The following CD300A variants were observed in gnomAD, a reference collection of about 807,000 sequenced individuals.
CD300A encodes the protein CD300a molecule.
A neutral mutation model predicts 33.6 loss-of-function variants in CD300A; 22 were observed. The ratio of observed to expected loss-of-function variants is 0.66; its 90% CI spans 0.47 to 0.94. CD300A has a LOEUF of 0.94. Ranked by LOEUF, CD300A falls within the 40% of genes least tolerant of loss-of-function variation. The pLI, the probability that CD300A is intolerant of heterozygous loss-of-function variation, is 0.00. For synonymous variants in CD300A, 136 were observed against 148.1 expected, an observed-to-expected ratio of 0.92 and a Z score of 0.59; for missense variants, 326 against 360.5, an observed-to-expected ratio of 0.90 and a Z score of 0.77.
At chr17:74,481,397 C>A in intron 5 of CD300A, 71 bp downstream of exon 5, 1 of 1,430,226 alleles carries the variant, frequency 7.0e-7, no homozygotes, top group Non-Finnish European at 9.8e-7. Flanking sequence ...GGGAGTTGGA[C>A]AGTCCCATCG....
rs537595088 is a variant in CD300A at position 74,468,196 on chromosome 17, G to A, written c.40+1453G>A. On this transcript the variant is annotated intron_variant, in intron 1 of 6. Transcript: ENST00000360141. ...ATTACAGGCATGTACCACCATGCCT[G>A]GTTAATTTTGTATTTTTAGTAGAGA... 5.3e-5 allele frequency among the ~76,000 whole-genome samples: 8 copies of A among 151,984 alleles called. No homozygotes were observed. In the South Asian group the frequency reaches 1.7e-3, roughly 32 times the overall value.
At chr17:74,470,031 A>G in intron 1 of CD300A, 2 of 985,376 alleles carry the variant, frequency 2.0e-6, no homozygotes, top group Non-Finnish European at 2.4e-6. Flanking sequence ...CAATTCAGTC[A>G]TTTACCTGAG....
At chr17:74,478,259 CTA>C (rs1335810701) in intron 4 of CD300A, among the ~76,000 whole-genome samples, 1 of 152,218 alleles carries the variant, frequency 6.6e-6, no homozygotes, top group Non-Finnish European at 1.5e-5. Flanking sequence ...CCCCTCCTGG[CTA>C]TACCTCTGCT....
At chr17:74,482,513 C>T (rs1265480479) in intron 6 of CD300A, among the ~76,000 whole-genome samples, 4 of 151,698 alleles carry the variant, frequency 2.6e-5, no homozygotes, top group East Asian at 1.9e-4. Context: ...AGCCTGGTAC[C>T]GTTCTCCCCA....
chr17:74,481,922 G>A (rs1302645996), intron 6 of CD300A, 89 bp downstream of exon 6: 4 of 915,694 alleles, frequency 4.4e-6, no homozygotes, highest in African/African-American at 1.6e-5. Flanking sequence ...GAAGGAAGGG[G>A]TCGGCTTGGT....
chr17:74,482,365 T>G (rs1906915295), intron 6 of CD300A, among the ~76,000 whole-genome samples: 1 of 148,826 alleles, frequency 6.7e-6, no homozygotes, highest in South Asian at 2.2e-4. Context: ...CAGGGAAGCT[T>G]AAAGTGCCCC....
At position 74,473,524 on chromosome 17, in the gene CD300A, T is replaced by A. The variant is rs1310765914; in HGVS notation, c.41-12T>A. The A allele has an allele frequency of 6.2e-7, 1 of 1,604,006 alleles. No homozygotes were observed. Among genetic ancestry groups the A allele is most frequent in the African/African-American group, 1.3e-5 (1 of 74,858 alleles). On this transcript the variant is annotated splice_polypyrimidine_tract_variant and intron_variant, in intron 1 of 6. Coordinates refer to ENST00000360141, the MANE Select transcript of CD300A (RefSeq NM_007261.4). ...CTGAGGAGGAGCTGGGACTCTGGCT[T>A]GTGTTTTCCAGGATGTTTTGCTCTG...
intron 6 of CD300A, among the ~76,000 whole-genome samples, chr17:74,482,697 C>CTTTCTTT (rs1906953973): frequency 7.7e-6 from 1 of 130,132 alleles, no homozygotes; most frequent in Non-Finnish European, 1.5e-5. Context: ...TTCCTTCCTT[C>CTTTCTTT]CTTTCTTTCT....
In CD300A at chr17:74,484,010, A is replaced by G. The variant is rs1907091952; in HGVS notation, c.784A>G (p.Arg262Gly). 4.3e-6 allele frequency: 7 copies of G among 1,613,630 alleles called. No individual in the cohort carries two copies. The highest frequency in any genetic ancestry group is 1.7e-5 in the Admixed American group (1 of 59,976). ...TGGTTTCTCTCTGCAGGCCTCCCCC[A>G]GGGAAGAACTTCACTATGCCTCGGT... ...EVEYSTVASP[R>G]EELHYASVVF... is the part of the protein sequence containing the mutation. Residue 262 changes from arginine to glycine, a missense_variant, in exon 7 of 7, where the codon AGG (arginine) becomes GGG (glycine). Transcript: ENST00000360141.
chr17:74,473,591 G>T lies in CD300A; in HGVS notation c.96G>T (p.Leu32=), dbSNP rs750291246. The T allele has an allele frequency of 5.4e-5, 87 of 1,614,074 alleles. No homozygotes were observed. Among genetic ancestry groups the T allele is most frequent in the South Asian group, 4.6e-4 (42 of 91,090 alleles). The change falls in exon 2 of 7, where the codon CTG becomes CTT. Residue 32 remains leucine, a synonymous_variant. Transcript: ENST00000360141. ...TGGCGGGCCCCGTGGGGGGATCCCT[G>T]AGTGTGCAGTGTCCCTATGAGAAGG... is the stretch of plus-strand genomic sequence containing the variant. ...RTVAGPVGGS[L]SVQCPYEKEH...
At chr17:74,482,500 T>G (rs1906927783) in intron 6 of CD300A, among the ~76,000 whole-genome samples, 1 of 151,676 alleles carries the variant, frequency 6.6e-6, no homozygotes, top group African/African-American at 2.4e-5. Context: ...CTGGGATATC[T>G]CCAGCCTGGT....
intron 1 of CD300A, among the ~76,000 whole-genome samples, chr17:74,472,602 G>A (rs1027836704): frequency 6.6e-6 from 1 of 150,616 alleles, no homozygotes; most frequent in African/African-American, 2.5e-5. Context: ...AGCCTTCTGC[G>A]TTTGTGACTC....
intron 6 of CD300A, among the ~76,000 whole-genome samples, chr17:74,482,279 C>T (rs1445766988): frequency 1.3e-5 from 2 of 151,940 alleles, no homozygotes; most frequent in African/African-American, 4.8e-5. Flanking sequence ...GGTCGTGACC[C>T]ACCTGCTAGT....
chr17:74,479,940 C>G (rs1356781200), intron 4 of CD300A, among the ~76,000 whole-genome samples: 1 of 152,140 alleles, frequency 6.6e-6, no homozygotes, highest in Non-Finnish European at 1.5e-5. Context: ...GCCCTGGGGA[C>G]AACATTGTGA....
intron 4 of CD300A, among the ~76,000 whole-genome samples, chr17:74,479,226 T>C (rs1474678369): frequency 6.6e-6 from 1 of 151,894 alleles, no homozygotes. Context: ...TGTAAATGCA[T>C]CTATGATTTC....
intron 3 of CD300A, among the ~76,000 whole-genome samples, chr17:74,475,860 A>T (rs1906427173): frequency 6.6e-6 from 1 of 152,130 alleles, no homozygotes; most frequent in Non-Finnish European, 1.5e-5. Context: ...TAGACTCAGA[A>T]CTCTGGAAAG....
rs1039879865 is a variant in CD300A at position 74,473,034 on chromosome 17, G to A, written c.41-502G>A. On this transcript the variant is annotated intron_variant, in intron 1 of 6. Transcript: ENST00000360141. Reference sequence around the variant, plus strand: ...TGCCCAGGGCTGGGGTGGCCCTCCCGGGAGTGCAGGTGCTTAGGGGTGAGT... The same window carrying A: ...TGCCCAGGGCTGGGGTGGCCCTCCCAGGAGTGCAGGTGCTTAGGGGTGAGT... Among the ~76,000 whole-genome samples the A allele has an allele frequency of 8.6e-5, 13 of 152,042 alleles. No homozygotes were observed. The East Asian group carries it at 1.2e-3, about 14-fold the overall frequency.
chr17:74,475,575 ACT>A (rs1774557007), intron 3 of CD300A, among the ~76,000 whole-genome samples: 1 of 152,136 alleles, frequency 6.6e-6, no homozygotes, highest in African/African-American at 2.4e-5. Context: ...ATCTATGGAC[ACT>A]CTCCCCAGAA....
In CD300A at chr17:74,480,521, G is replaced by A. The variant is rs953284070; in HGVS notation, c.629-768G>A. On this transcript the variant is annotated intron_variant, in intron 4 of 6. Transcript: ENST00000360141. The surrounding 1 kb of genome is among the most constrained non-coding windows in gnomAD (Gnocchi z 4.2). ...GGGGCTGACAGGCCTCCTTCCCTAC[G>A]GCCTGGGGCAGCAGGCAGGTGGGCT... 5.3e-5 allele frequency among the ~76,000 whole-genome samples: 8 copies of A among 152,146 alleles called. No individual in the cohort carries two copies. Among genetic ancestry groups the A allele is most frequent in the Non-Finnish European group, 8.8e-5 (6 of 68,018 alleles).
Sources: allele counts gnomAD v4.1 joint callset (sites outside exome capture counted in the v4.1 genomes callset), GRCh38; gene constraint gnomAD v4.1.1; non-coding constraint Gnocchi (gnomAD v3.1); transcripts MANE v1.5; gene names NCBI Gene and HGNC (gene_info 2026-07-23, HGNC 2026-07-21).